ACACA: variants seen among roughly 807,000 people sequenced by gnomAD.
The protein encoded by ACACA is acetyl-CoA carboxylase alpha, also known as acetyl-CoA carboxylase 1.
Under a neutral mutation model 296.1 loss-of-function variants are expected in ACACA, and 103 were observed. The observed-to-expected ratio is 0.35, with a 90% CI of 0.30 to 0.41. The LOEUF is 0.41. Among genes scored for constraint, ACACA ranks in the 10% least tolerant of loss-of-function variants. ACACA has a pLI of 1.00. For synonymous variants in ACACA, 953 were observed against 1,038.6 expected, an observed-to-expected ratio of 0.92 and a Z score of 1.58; for missense variants, 1,554 against 2,989.7, an observed-to-expected ratio of 0.52 and a Z score of 11.20.
At chr17:37,157,291 G>T (rs2076288456) in intron 42 of ACACA, among the ~76,000 whole-genome samples, 1 of 152,160 alleles carries the variant, frequency 6.6e-6, no homozygotes, top group South Asian at 2.1e-4. Flanking sequence ...ATGCACTGAG[G>T]CATGATGTGC....
intron 29 of ACACA, among the ~76,000 whole-genome samples, chr17:37,211,788 C>T (rs72826187): frequency 0.012 from 1,885 of 152,278 alleles, 12 homozygotes; most frequent in Non-Finnish European, 0.018. Flanking sequence ...AGTAGAAATG[C>T]TCTTTGCATC....
intron 30 of ACACA, among the ~76,000 whole-genome samples, chr17:37,209,436 T>TA (rs2078653319): frequency 6.6e-6 from 1 of 152,190 alleles, no homozygotes; most frequent in African/African-American, 2.4e-5. Context: ...ACCATGGGGT[T>TA]AAGTAGCTTT....
chr17:37,206,945 G>C, intron 31 of ACACA, 66 bp from the exon 32 acceptor site: 1 of 1,317,518 alleles, frequency 7.6e-7, no homozygotes, highest in Non-Finnish European at 1.1e-6. Flanking sequence ...ACTGCCATTG[G>C]CAGCTGAGTC....
intron 1 of ACACA, among the ~76,000 whole-genome samples, chr17:37,347,573 T>C (rs914632724): frequency 1.3e-5 from 2 of 151,950 alleles, no homozygotes; most frequent in Non-Finnish European, 2.9e-5. Context: ...GGACTGCAGG[T>C]GTGAGTCACA....
intron 1 of ACACA, among the ~76,000 whole-genome samples, chr17:37,361,568 C>T (rs968596293): frequency 5.9e-5 from 9 of 152,046 alleles, no homozygotes; most frequent in African/African-American, 2.2e-4. Flanking sequence ...GTTACGATAC[C>T]AAGGTCACTT....
rs1291862066 is a variant in ACACA, at chr17:37,227,729, G to A, written c.3247-1277C>T. ...CAAAAAATTAGCCGGGCGTGGTGGCGGGCGCCTGTAGTCCCAGCTACTCAG... is the reference window on the plus strand; with the variant it reads ...CAAAAAATTAGCCGGGCGTGGTGGCAGGCGCCTGTAGTCCCAGCTACTCAG... On this transcript the variant is annotated intron_variant, in intron 25 of 55. Transcript: ENST00000616317. 5.3e-5 allele frequency among the ~76,000 whole-genome samples: 8 copies of A among 151,758 alleles called. No individual in the cohort carries two copies. The East Asian group carries it at 1.2e-3, about 22-fold the overall frequency.
chr17:37,192,364 T>C (rs2077794886), intron 36 of ACACA, 59 bp from the exon 37 acceptor site: 2 of 1,446,608 alleles, frequency 1.4e-6, no homozygotes, highest in Non-Finnish European at 1.9e-6. Context: ...AATTATACTA[T>C]GAATGTGAAT....
chr17:37,324,941 C>T (rs557581474), intron 3 of ACACA, among the ~76,000 whole-genome samples: 18 of 150,912 alleles, frequency 1.2e-4, no homozygotes, highest in Admixed American at 1.1e-3. Flanking sequence ...CAGTGGCTCA[C>T]ACCTGTAACC....
chr17:37,160,113 C>G (rs1173900850), intron 42 of ACACA, among the ~76,000 whole-genome samples: 1 of 152,088 alleles, frequency 6.6e-6, no homozygotes, highest in Non-Finnish European at 1.5e-5. Context: ...CATCTGGAGA[C>G]AGCAAGAACA....
intron 38 of ACACA, among the ~76,000 whole-genome samples, chr17:37,188,945 T>C (rs2077641242): frequency 6.6e-6 from 1 of 152,228 alleles, no homozygotes; most frequent in African/African-American, 2.4e-5. Flanking sequence ...CTTTTTTTCA[T>C]ACAGTTTTAT....
chr17:37,378,100 G>A (rs1295802260), intron 1 of ACACA: 4 of 755,260 alleles, frequency 5.3e-6, no homozygotes, highest in Non-Finnish European at 6.4e-6. Flanking sequence ...CTCCCAGGGG[G>A]CTTTCTGGAA....
intron 52 of ACACA, among the ~76,000 whole-genome samples, chr17:37,108,659 A>G (rs755185245): frequency 9.2e-5 from 14 of 152,188 alleles, no homozygotes; most frequent in Non-Finnish European, 1.9e-4. Context: ...AAGTGCTGGG[A>G]TTACAGGCGT....
intron 20 of ACACA, 116 bp downstream of exon 20, chr17:37,244,964 T>C (rs774226107): frequency 2.4e-5 from 36 of 1,488,500 alleles, no homozygotes; most frequent in Non-Finnish European, 2.7e-5. Flanking sequence ...ATAAGATTAA[T>C]AGGGGACAAA....
At chr17:37,264,867 T>A (rs1462608984) in intron 10 of ACACA, among the ~76,000 whole-genome samples, 2 of 152,220 alleles carry the variant, frequency 1.3e-5, no homozygotes, top group Admixed American at 6.5e-5. Flanking sequence ...TTTTATGATG[T>A]TGTTCTCATC....
rs376387915 is a variant in ACACA at position 37,338,097 on chromosome 17, AAAAATAAAATAAAAT to A, written c.85+1692_85+1706del. Among the ~76,000 whole-genome samples, 1,169 of 149,052 alleles carry A rather than the reference AAAAATAAAATAAAAT, an allele frequency of 7.8e-3. 9 individuals are homozygous for A. Among genetic ancestry groups the A allele is most frequent in the Middle Eastern group, 0.048 (14 of 290 alleles). On this transcript the variant is annotated intron_variant, in intron 2 of 55. Coordinates refer to ENST00000616317, the MANE Select transcript of ACACA (RefSeq NM_198834.3). ...GGGCAACAGAGTGAGACTCCGTCTC[AAAAATAAAATAAAAT>A]AAAATAAAATAAAATAAAATAAAAC... is the stretch of plus-strand genomic sequence containing the variant.
chr17:37,348,837 T>A (rs1202394307), intron 1 of ACACA, among the ~76,000 whole-genome samples: 2 of 150,144 alleles, frequency 1.3e-5, no homozygotes, highest in African/African-American at 4.9e-5. Context: ...TAGGCCCAGA[T>A]ACTCAGGAGG....
chr17:37,142,949 A>G (rs1003499011), intron 45 of ACACA, among the ~76,000 whole-genome samples: 1 of 152,248 alleles, frequency 6.6e-6, no homozygotes, highest in Non-Finnish European at 1.5e-5. Context: ...GAACCAGGAT[A>G]AGAAATTGCA....
intron 3 of ACACA, among the ~76,000 whole-genome samples, chr17:37,316,634 T>C (rs1019807181): frequency 3.9e-5 from 6 of 152,180 alleles, no homozygotes; most frequent in Non-Finnish European, 5.9e-5. Context: ...GAAAGCAGTA[T>C]GAAACCTCTT....
chr17:37,376,285 C>T, intron 1 of ACACA: 1 of 691,542 alleles, frequency 1.4e-6, no homozygotes, highest in South Asian at 1.8e-5. Flanking sequence ...CCCATGTATC[C>T]ACTCGCCTCT....
Sources: allele counts gnomAD v4.1 joint callset (sites outside exome capture counted in the v4.1 genomes callset), GRCh38; gene constraint gnomAD v4.1.1; transcripts MANE v1.5; gene names NCBI Gene and HGNC (gene_info 2026-07-23, HGNC 2026-07-21).